GPC6: variants seen among roughly 807,000 people sequenced by gnomAD.
GPC6 encodes the protein glypican 6.
GPC6 carries 14 observed loss-of-function variants against 55.2 expected under a neutral mutation model. The observed-to-expected ratio is 0.25, with a 90% CI of 0.17 to 0.40. GPC6 has a LOEUF of 0.40. Among genes scored for constraint, GPC6 ranks in the 10% least tolerant of loss-of-function variants. The pLI is 1.00. For missense variants in GPC6, 641 were observed against 708.5 expected (o/e 0.90, Z 1.08); for synonymous variants, 278 against 259.6 (o/e 1.07, Z -0.68).
At chr13:93,987,771 A>G (rs959527785) in intron 3 of GPC6, among the ~76,000 whole-genome samples, 4 of 152,152 alleles carry the variant, frequency 2.6e-5, no homozygotes, top group African/African-American at 7.2e-5. Context: ...GAAAGGAATC[A>G]ATATAGTACA....
At chr13:94,072,779 T>C (rs1566367367) in intron 4 of GPC6, among the ~76,000 whole-genome samples, 1 of 152,218 alleles carries the variant, frequency 6.6e-6, no homozygotes. Context: ...ACGAGTCAAA[T>C]AGCAATGACA....
At chr13:94,050,529 G>T (rs1025967871) in intron 4 of GPC6, among the ~76,000 whole-genome samples, 1 of 152,260 alleles carries the variant, frequency 6.6e-6, no homozygotes, top group African/African-American at 2.4e-5. Flanking sequence ...TGCTGTTGTA[G>T]AATATACCAC....
intron 4 of GPC6, among the ~76,000 whole-genome samples, chr13:94,239,579 A>C (rs1316011660): frequency 6.6e-6 from 1 of 152,106 alleles, no homozygotes; most frequent in African/African-American, 2.4e-5. Context: ...TAGGGCAAAC[A>C]TTTCAGGTAT....
intron 2 of GPC6, among the ~76,000 whole-genome samples, chr13:93,592,778 A>G (rs567738859): frequency 7.0e-4 from 106 of 152,252 alleles, no homozygotes; most frequent in Admixed American, 1.2e-3. Flanking sequence ...GAAAAATTAG[A>G]TAGTTCTTCA....
chr13:93,591,412 C>T (rs1253767310), intron 2 of GPC6, among the ~76,000 whole-genome samples: 1 of 148,308 alleles, frequency 6.7e-6, no homozygotes, highest in Non-Finnish European at 1.5e-5. Flanking sequence ...TGCAGTGAAT[C>T]GAGATCGCGC....
chr13:93,804,624 T>C (rs779546411), intron 2 of GPC6, among the ~76,000 whole-genome samples: 35 of 152,208 alleles, frequency 2.3e-4, no homozygotes, highest in Non-Finnish European at 4.0e-4. Flanking sequence ...GGTAGTTACC[T>C]CCTGAGTCCC....
intron 2 of GPC6, among the ~76,000 whole-genome samples, chr13:93,810,276 A>G (rs982018688): frequency 6.6e-6 from 1 of 152,212 alleles, no homozygotes; most frequent in Admixed American, 6.5e-5. Flanking sequence ...GTTTCACTAT[A>G]TTCTCATCTG....
chr13:94,348,116 G>C (rs2139164853), intron 6 of GPC6, among the ~76,000 whole-genome samples: 1 of 152,306 alleles, frequency 6.6e-6, no homozygotes. Context: ...CGACTGGTTG[G>C]TTGAATGGGT....
chr13:94,012,208 T>A (rs1882273668), intron 3 of GPC6, among the ~76,000 whole-genome samples: 2 of 152,238 alleles, frequency 1.3e-5, no homozygotes, highest in African/African-American at 4.8e-5. Context: ...AGCCAACTGA[T>A]TACAGCATTA....
intron 1 of GPC6, among the ~76,000 whole-genome samples, chr13:93,382,364 G>T (rs769661320): frequency 6.6e-6 from 1 of 152,008 alleles, no homozygotes; most frequent in Non-Finnish European, 1.5e-5. Flanking sequence ...TTCAAACTAG[G>T]ACCGCATCAC....
intron 1 of GPC6, among the ~76,000 whole-genome samples, chr13:93,506,711 C>G (rs1254245429): frequency 6.6e-6 from 1 of 151,918 alleles, no homozygotes. Flanking sequence ...TCTAAACTTT[C>G]TCTCTTCTTT....
At chr13:93,734,054 C>A (rs574470869) in intron 2 of GPC6, among the ~76,000 whole-genome samples, 1 of 152,260 alleles carries the variant, frequency 6.6e-6, no homozygotes, top group East Asian at 1.9e-4. Context: ...TTGAATTCAT[C>A]ATGTGTTAAA....
intron 3 of GPC6, among the ~76,000 whole-genome samples, chr13:93,917,497 T>C (rs980000932): frequency 2.0e-5 from 3 of 152,222 alleles, no homozygotes; most frequent in African/African-American, 7.2e-5. Flanking sequence ...GAATTCACCT[T>C]GACCTTGTCT....
chr13:93,322,839 G>A (rs1458090984), intron 1 of GPC6, among the ~76,000 whole-genome samples: 1 of 152,022 alleles, frequency 6.6e-6, no homozygotes, highest in Non-Finnish European at 1.5e-5. Context: ...TGCAGAACGT[G>A]CATGTTGGTT....
At chr13:93,445,990 G>C (rs1594175050) in intron 1 of GPC6, among the ~76,000 whole-genome samples, 1 of 152,144 alleles carries the variant, frequency 6.6e-6, no homozygotes, top group Non-Finnish European at 1.5e-5. Context: ...GGATAAAAAG[G>C]TTGTCTATCA....
chr13:93,982,726 T>C (rs1031868026), intron 3 of GPC6, among the ~76,000 whole-genome samples: 5 of 152,194 alleles, frequency 3.3e-5, no homozygotes, highest in Non-Finnish European at 5.9e-5. Context: ...GGTCATAAAA[T>C]GAACTGTTAA....
chr13:94,149,486 G>T (rs953213688), intron 4 of GPC6, among the ~76,000 whole-genome samples: 5 of 152,146 alleles, frequency 3.3e-5, no homozygotes, highest in African/African-American at 9.7e-5. Context: ...GCGATAGTAT[G>T]AACTGCTACA....
chr13:94,295,015 A>G (rs1875247497), intron 5 of GPC6, among the ~76,000 whole-genome samples: 2 of 152,310 alleles, frequency 1.3e-5, no homozygotes, highest in Non-Finnish European at 2.9e-5. Flanking sequence ...TCAGAACATG[A>G]AAATATAATG....
chr13:93,665,134 G>A (rs181765236), intron 2 of GPC6, among the ~76,000 whole-genome samples: 5 of 152,308 alleles, frequency 3.3e-5, no homozygotes, highest in Admixed American at 2.6e-4. Context: ...ACACGCCCAT[G>A]AATCTGCAAC....
Sources: gnomAD v4.1 joint callset for allele counts (sites outside exome capture counted in the v4.1 genomes callset) on GRCh38, gnomAD v4.1.1 for gene constraint, MANE v1.5 for transcripts, NCBI Gene and HGNC (gene_info 2026-07-23, HGNC 2026-07-21) for gene names.